PPIP5K1: variants seen among roughly 807,000 people sequenced by gnomAD.
PPIP5K1 encodes diphosphoinositol pentakisphosphate kinase 1.
PPIP5K1 carries 6 observed loss-of-function variants against 27.7 expected under a neutral mutation model. That is an observed-to-expected ratio of 0.22 (90% CI 0.12 to 0.43). The LOEUF (loss-of-function observed/expected upper bound fraction) is 0.43, where lower values mean the gene tolerates loss of function less well. Ranked by LOEUF, PPIP5K1 falls within the 20% of genes least tolerant of loss-of-function variation. The pLI is 1.00. For missense variants in PPIP5K1, 394 were observed against 635.4 expected (o/e 0.62, Z 4.08); for synonymous variants, 145 against 242.6 (o/e 0.60, Z 3.74).
intron 30 of PPIP5K1, among the ~76,000 whole-genome samples, chr15:43,557,735 G>A (rs28470226): frequency 0.019 from 2,796 of 150,712 alleles, 44 homozygotes; most frequent in Middle Eastern, 0.041. Flanking sequence ...CGTGATCATA[G>A]CTCACTGCAG....
At chr15:43,558,676 G>A (rs565997632) in intron 30 of PPIP5K1, 119 bp downstream of exon 30, 16 of 1,353,240 alleles carry the variant, frequency 1.2e-5, no homozygotes, top group Non-Finnish European at 1.5e-5. Flanking sequence ...ACATTTTTAA[G>A]TGTACTTTTG....
In PPIP5K1 at chr15:43,539,357, A is replaced by G. The variant is rs1290923926; in HGVS notation, c.3670+113T>C. On this transcript the variant is annotated intron_variant, in intron 31 of 31. Transcript: ENST00000420765. ...GATGAGACTGCTTCCCAGAATGGAT[A>G]TTCCTGGTCTTTCAAGCCCCACCTT... is the stretch of plus-strand genomic sequence containing the variant. 3 of 772,980 alleles carry G rather than the reference A, an allele frequency of 3.9e-6. No individual in the cohort carries two copies. The African/African-American group carries it at 5.2e-5, about 13-fold the overall frequency. 47.9% of individuals were successfully genotyped at this position (772,980 alleles called of 1,614,324 possible).
At chr15:43,539,255 A>G (rs969542538) in intron 31 of PPIP5K1, among the ~76,000 whole-genome samples, 7 of 152,188 alleles carry the variant, frequency 4.6e-5, no homozygotes, top group African/African-American at 1.7e-4. Context: ...CCAATGAAAT[A>G]GAAGGAACAT....
chr15:43,559,317 A>G (rs1021185416), intron 29 of PPIP5K1, among the ~76,000 whole-genome samples: 1 of 152,186 alleles, frequency 6.6e-6, no homozygotes, highest in Non-Finnish European at 1.5e-5. Flanking sequence ...CTAACATGAG[A>G]TAGGGAGGTC....
rs781626604 is a variant in PPIP5K1 at position 43,534,804 on chromosome 15, C to G, written c.4343G>C (p.Gly1448Ala). 2.2e-5 allele frequency: 35 copies of G among 1,603,240 alleles called. No individual in the cohort carries two copies. Among genetic ancestry groups the G allele is most frequent in the Middle Eastern group, 1.7e-4 (1 of 5,986 alleles). The change falls in exon 32 of 32, where the codon GGC (glycine) becomes GCC (alanine). Residue 1448 changes from glycine to alanine, a missense_variant. Physicochemically the swap from Gly to Ala is moderately conservative, Grantham distance 60. Transcript: ENST00000420765. ...CGCAGAAGTCTCCTGGGCCAGCCTG[C>G]CAACCTCCACAGAGAACTCCTGGTA... ...QPYQEFSVEV[G>A]RLAQETSAIN...
intron 31 of PPIP5K1, 88 bp downstream of exon 31, chr15:43,539,379 CCTT>C: frequency 4.2e-6 from 4 of 946,262 alleles, no homozygotes; most frequent in African/African-American, 1.6e-5. Flanking sequence ...TCAAGCCCCA[CCTT>C]CTTTGACCTC....
At chr15:43,567,054 A>G (rs1359994715) in intron 26 of PPIP5K1, among the ~76,000 whole-genome samples, 1 of 68,180 alleles carries the variant, frequency 1.5e-5, no homozygotes, top group Non-Finnish European at 2.3e-5. Context: ...TCTGAAACCT[A>G]TTCTTTACTG....
Position 43,558,554 on chromosome 15 carries a change from G to A in PPIP5K1, c.3556+241C>T, listed in dbSNP as rs62020616. ...TTTTTTTTCAGTAGAGACAGGTATC[G>A]CCATCTTGGCCAGGCTTGTCTCAAA... On this transcript the variant is annotated intron_variant, in intron 30 of 31. Coordinates refer to ENST00000420765, the MANE Select transcript of PPIP5K1 (RefSeq NM_001394395.1). Among the ~76,000 whole-genome samples, 26,348 of 151,392 alleles carry A rather than the reference G, an allele frequency of 0.17. 2,462 individuals carry two copies. Among genetic ancestry groups the A allele is most frequent in the Middle Eastern group, 0.28 (80 of 290 alleles).
At chr15:43,546,061 C>G (rs2081334185) in intron 30 of PPIP5K1, among the ~76,000 whole-genome samples, 1 of 151,410 alleles carries the variant, frequency 6.6e-6, no homozygotes, top group Non-Finnish European at 1.5e-5. Flanking sequence ...CTCCCAAACC[C>G]TGGAAACCAC....
intron 30 of PPIP5K1, among the ~76,000 whole-genome samples, chr15:43,558,368 C>T (rs2083295994): frequency 6.6e-6 from 1 of 152,004 alleles, no homozygotes; most frequent in South Asian, 2.1e-4. Flanking sequence ...GCTGGGACTG[C>T]AGGCGCACAC....
chr15:43,540,696 C>CAAA (rs879456184), intron 30 of PPIP5K1, among the ~76,000 whole-genome samples: 1 of 127,302 alleles, frequency 7.9e-6, no homozygotes, highest in Admixed American at 7.9e-5. Context: ...GACTCTGTCT[C>CAAA]AAAAAAAAAA....
At chr15:43,547,891 A>G (rs1226051897) in intron 30 of PPIP5K1, among the ~76,000 whole-genome samples, 1 of 152,234 alleles carries the variant, frequency 6.6e-6, no homozygotes, top group African/African-American at 2.4e-5. Flanking sequence ...AAGAAAAGAC[A>G]TTAAAATTCT....
chr15:43,554,736 C>T (rs1444677191), intron 30 of PPIP5K1, among the ~76,000 whole-genome samples: 1 of 151,482 alleles, frequency 6.6e-6, no homozygotes, highest in Non-Finnish European at 1.5e-5. Context: ...AATTACAGTT[C>T]AAGGTATAAG....
chr15:43,538,865 G>A (rs1379880439), intron 31 of PPIP5K1, among the ~76,000 whole-genome samples: 1 of 152,142 alleles, frequency 6.6e-6, no homozygotes, highest in Non-Finnish European at 1.5e-5. Context: ...ATCTTTACTG[G>A]AGAAAACTGT....
intron 30 of PPIP5K1, 70 bp downstream of exon 30, chr15:43,558,725 A>G: frequency 6.3e-7 from 1 of 1,582,080 alleles, no homozygotes; most frequent in Middle Eastern, 1.7e-4. Context: ...CTAATTTACT[A>G]CTTTCTTATA....
chr15:43,540,206 C>G (rs569510570), intron 30 of PPIP5K1, among the ~76,000 whole-genome samples: 1 of 151,752 alleles, frequency 6.6e-6, no homozygotes, highest in Admixed American at 6.6e-5. Context: ...GAGCTGAGAT[C>G]GCACCACTGC....
rs2081758381 is a variant in PPIP5K1 at position 43,548,950 on chromosome 15, C to T, written c.3557-9367G>A. 2.1e-5 allele frequency among the ~76,000 whole-genome samples: 3 copies of T among 142,212 alleles called. No individual in the cohort carries two copies. The Admixed American group carries it at 2.2e-4, about 11-fold the overall frequency. 93.3% of individuals were successfully genotyped at this position (142,212 alleles called of 152,430 possible). A position where few individuals can be genotyped will look rare whatever the true frequency, so the allele number is the denominator to read the frequency against. On this transcript the variant is annotated intron_variant, in intron 30 of 31. Transcript: ENST00000420765. Reference sequence around the variant, plus strand: ...GGCTGAGACAGGAGAATCGCTTGAACCTGGAAGGCGGAGGTTCCAGTGAGT... The same window carrying T: ...GGCTGAGACAGGAGAATCGCTTGAATCTGGAAGGCGGAGGTTCCAGTGAGT...
rs1254348861 is a variant in PPIP5K1 at position 43,549,702 on chromosome 15, G to A, written c.3556+9093C>T. ...TTAAAAAATTTATTTTGTAAGCCTG[G>A]GCTCATGCCTATAACCCCAGCACTT... is the stretch of plus-strand genomic sequence containing the variant. On this transcript the variant is annotated intron_variant, in intron 30 of 31. Coordinates refer to ENST00000420765, the MANE Select transcript of PPIP5K1 (RefSeq NM_001394395.1). 3.3e-5 allele frequency among the ~76,000 whole-genome samples: 5 copies of A among 152,034 alleles called. No individual in the cohort carries two copies. In the South Asian group the frequency reaches 1.0e-3, roughly 32 times the overall value.
chr15:43,537,386 C>T, intron 31 of PPIP5K1: 3 of 278,606 alleles, frequency 1.1e-5, no homozygotes, highest in East Asian at 1.3e-4. Flanking sequence ...TCAAAGGAGG[C>T]ATGCTTCAAG....
Sources: gnomAD v4.1 joint callset for allele counts (sites outside exome capture counted in the v4.1 genomes callset) on GRCh38, gnomAD v4.1.1 for gene constraint, MANE v1.5 for transcripts, NCBI Gene and HGNC (gene_info 2026-07-23, HGNC 2026-07-21) for gene names.